Variants in TENM4 observed in about 807,000 individuals in gnomAD.
TENM4 encodes teneurin transmembrane protein 4.
Under a neutral mutation model 243.3 loss-of-function variants are expected in TENM4, and 82 were observed. That is an observed-to-expected ratio of 0.34 (90% CI 0.28 to 0.40). The LOEUF (loss-of-function observed/expected upper bound fraction) is 0.40. TENM4 is among the 10% of genes least tolerant of loss of function. TENM4 has a pLI of 1.00. For synonymous variants in TENM4, 1,412 were observed against 1,456.3 expected (o/e 0.97, Z 0.69); for missense variants, 3,138 against 3,673.3 (o/e 0.85, Z 3.77).
Position 79,166,885 on chromosome 11 carries a change from A to T in TENM4, c.-162-18079T>A, listed in dbSNP as rs573337745. Among the ~76,000 whole-genome samples, 22 of 152,328 alleles carry T rather than the reference A, an allele frequency of 1.4e-4. No individual in the cohort carries two copies. The South Asian group carries it at 4.6e-3, about 32-fold the overall frequency. On this transcript the variant is annotated intron_variant, in intron 3 of 33. Coordinates refer to ENST00000278550, the MANE Select transcript of TENM4 (RefSeq NM_001098816.3). ...GAGAAAAGCATGAACAATGGTTGAG[A>T]GGCACAAAACTATGGTGTGCAGAAG...
intron 18 of TENM4, among the ~76,000 whole-genome samples, chr11:78,762,352 A>G (rs770545935): frequency 2.0e-5 from 3 of 152,218 alleles, no homozygotes; most frequent in Non-Finnish European, 4.4e-5. Context: ...CGCACATTAC[A>G]TGACAACCCT....
intron 26 of TENM4, 130 bp downstream of exon 26, chr11:78,712,352 G>T (rs1859417391): frequency 2.6e-6 from 2 of 756,654 alleles, no homozygotes; most frequent in East Asian, 5.4e-5. Flanking sequence ...AATTATCACA[G>T]TTTTTACCAT....
At chr11:79,099,341 A>T (rs1013372964) in intron 4 of TENM4, among the ~76,000 whole-genome samples, 1 of 151,702 alleles carries the variant, frequency 6.6e-6, no homozygotes, top group Non-Finnish European at 1.5e-5. Flanking sequence ...ATCCCATCCC[A>T]TTGTTCATGT....
chr11:79,261,559 G>A (rs930274677), intron 2 of TENM4, among the ~76,000 whole-genome samples: 1 of 152,108 alleles, frequency 6.6e-6, no homozygotes, highest in Admixed American at 6.5e-5. Flanking sequence ...GCTCTATATG[G>A]AACCCCACAC....
At chr11:78,893,929 T>G (rs1855730356) in intron 7 of TENM4, among the ~76,000 whole-genome samples, 3 of 152,320 alleles carry the variant, frequency 2.0e-5, no homozygotes, top group Admixed American at 2.0e-4. Flanking sequence ...CTGATTATTG[T>G]GCTTTTTCCT....
At chr11:78,968,151 C>A (rs1219717630) in intron 6 of TENM4, among the ~76,000 whole-genome samples, 2 of 152,232 alleles carry the variant, frequency 1.3e-5, no homozygotes, top group African/African-American at 2.4e-5. Context: ...TACTCATGCT[C>A]TCTGTCTTGC....
chr11:79,159,040 T>C (rs1391860657), intron 3 of TENM4, among the ~76,000 whole-genome samples: 1 of 152,154 alleles, frequency 6.6e-6, no homozygotes, highest in Non-Finnish European at 1.5e-5. Flanking sequence ...GGCATGGAGA[T>C]GTGTAATTTC....
chr11:79,021,046 C>T (rs563408674), intron 6 of TENM4, among the ~76,000 whole-genome samples: 1 of 152,304 alleles, frequency 6.6e-6, no homozygotes, highest in Non-Finnish European at 1.5e-5. Context: ...CCCTGCTGGG[C>T]CAGCTCAGAG....
intron 1 of TENM4, among the ~76,000 whole-genome samples, chr11:79,317,394 G>T (rs1237083667): frequency 6.6e-6 from 1 of 152,122 alleles, no homozygotes; most frequent in Non-Finnish European, 1.5e-5. Context: ...TCTGGGAAGG[G>T]GGGGTCAGGG....
At chr11:78,745,449 GA>G (rs1288581053) in intron 19 of TENM4, among the ~76,000 whole-genome samples, 1 of 151,730 alleles carries the variant, frequency 6.6e-6, no homozygotes, top group East Asian at 1.9e-4. Context: ...GGCTGGTCTT[GA>G]AACTCCTGGC....
chr11:78,731,710 C>T (rs1418238114), intron 21 of TENM4, among the ~76,000 whole-genome samples: 1 of 152,140 alleles, frequency 6.6e-6, no homozygotes, highest in Admixed American at 6.5e-5. Context: ...TGCATCTTTC[C>T]CAATTACTTT....
chr11:78,676,245 C>T lies in TENM4; in HGVS notation c.5403G>A (p.Thr1801=), dbSNP rs750937106. The change falls in exon 30 of 34, where the codon ACG becomes ACA. Residue 1801 remains threonine, a synonymous_variant. Transcript: ENST00000278550. ...GGTTGAGGCCGTTGTCGATGGGCAG[C>T]GTGACATTCCTCTTGCCCACGGTGG... is the stretch of plus-strand genomic sequence containing the variant. The part of the protein sequence containing the change: ...VNPTVGKRNV[T]LPIDNGLNLV... 9.9e-6 allele frequency: 16 copies of T among 1,610,140 alleles called. No individual in the cohort carries two copies. The highest frequency in any genetic ancestry group is 2.2e-5 in the South Asian group (2 of 90,566).
chr11:79,416,724 G>T (rs1175842369), intron 1 of TENM4, among the ~76,000 whole-genome samples: 1 of 152,144 alleles, frequency 6.6e-6, no homozygotes, highest in Non-Finnish European at 1.5e-5. Context: ...TTTGCCTCAA[G>T]TCACAAATTA....
intron 6 of TENM4, among the ~76,000 whole-genome samples, chr11:79,004,682 C>T (rs1026306409): frequency 1.3e-5 from 2 of 151,842 alleles, no homozygotes; most frequent in African/African-American, 4.8e-5. Flanking sequence ...AACATCACAC[C>T]TACACTAACT....
intron 6 of TENM4, among the ~76,000 whole-genome samples, chr11:79,052,578 T>C (rs1565183487): frequency 6.6e-6 from 1 of 152,186 alleles, no homozygotes; most frequent in Non-Finnish European, 1.5e-5. Context: ...CCTGTAATTA[T>C]TGACAGGTAG....
chr11:79,397,130 A>T (rs1858361605), intron 1 of TENM4, among the ~76,000 whole-genome samples: 1 of 152,186 alleles, frequency 6.6e-6, no homozygotes, highest in Non-Finnish European at 1.5e-5. Flanking sequence ...CAAAGGGATG[A>T]GATTCAAGGA....
chr11:79,047,228 C>A (rs1195498160), intron 6 of TENM4, among the ~76,000 whole-genome samples: 1 of 152,168 alleles, frequency 6.6e-6, no homozygotes, highest in Non-Finnish European at 1.5e-5. Context: ...ACTTTGAATT[C>A]CCCCTCCCTC....
At chr11:79,024,276 G>C (rs945419681) in intron 6 of TENM4, among the ~76,000 whole-genome samples, 1 of 152,148 alleles carries the variant, frequency 6.6e-6, no homozygotes, top group African/African-American at 2.4e-5. Context: ...AAAGTGATTG[G>C]CCTGTGGTCT....
chr11:79,115,729 C>T (rs1386492094), intron 4 of TENM4, among the ~76,000 whole-genome samples: 1 of 152,198 alleles, frequency 6.6e-6, no homozygotes, highest in East Asian at 1.9e-4. Flanking sequence ...ACATCAGAAC[C>T]CTGCAAGCAA....
Sources: gnomAD v4.1 joint callset for allele counts (sites outside exome capture counted in the v4.1 genomes callset) on GRCh38, gnomAD v4.1.1 for gene constraint, MANE v1.5 for transcripts, NCBI Gene and HGNC (gene_info 2026-07-23, HGNC 2026-07-21) for gene names.